MECOM: variants seen among roughly 807,000 people sequenced by gnomAD.
The protein encoded by MECOM is histone-lysine N-methyltransferase MECOM.
MECOM carries 13 observed loss-of-function variants against 116.3 expected under a neutral mutation model. The observed-to-expected ratio is 0.11, with a 90% confidence interval of 0.07 to 0.18. The LOEUF (loss-of-function observed/expected upper bound fraction) is 0.18, where lower values mean the gene tolerates loss of function less well. Among genes scored for constraint, MECOM ranks in the 10% least tolerant of loss-of-function variants. The probability of loss-of-function intolerance (pLI) is 1.00; values close to 1 mark genes in which losing one functional copy is unlikely to be tolerated. For missense variants in MECOM, 1,299 were observed against 1,509.0 expected, an observed-to-expected ratio of 0.86 and a Z score of 2.31; for synonymous variants, 528 against 535.2, an observed-to-expected ratio of 0.99 and a Z score of 0.19.
At chr3:169,256,372 G>T (rs1469182948) in intron 2 of MECOM, among the ~76,000 whole-genome samples, 1 of 151,116 alleles carries the variant, frequency 6.6e-6, no homozygotes, top group Non-Finnish European at 1.5e-5. Context: ...TGCCTTAATG[G>T]CCCTGCCCTC....
At chr3:169,284,313 G>A (rs944644471) in intron 2 of MECOM, among the ~76,000 whole-genome samples, 3 of 152,150 alleles carry the variant, frequency 2.0e-5, no homozygotes, top group Admixed American at 2.0e-4. Flanking sequence ...AGCCTCCTTC[G>A]TGGTCTTGGG....
At chr3:169,297,161 AC>A (rs756331456) in intron 2 of MECOM, among the ~76,000 whole-genome samples, 4 of 152,232 alleles carry the variant, frequency 2.6e-5, no homozygotes, top group Admixed American at 2.0e-4. Context: ...AAGGATCCAA[AC>A]AAACCAAAAA....
chr3:169,500,582 C>CA (rs199525523), intron 1 of MECOM, among the ~76,000 whole-genome samples: 1,800 of 151,632 alleles, frequency 0.012, 16 homozygotes, highest in Middle Eastern at 0.032. Context: ...ATAGTTTATA[C>CA]AAAAAAACAC....
intron 2 of MECOM, among the ~76,000 whole-genome samples, chr3:169,357,301 C>T: frequency 6.6e-6 from 1 of 151,794 alleles, no homozygotes; most frequent in South Asian, 2.1e-4. Context: ...GAAAACCTTA[C>T]AGCATTTTTC....
chr3:169,250,947 C>G (rs561089879), intron 2 of MECOM, among the ~76,000 whole-genome samples: 4 of 152,246 alleles, frequency 2.6e-5, no homozygotes, highest in Admixed American at 6.5e-5. Context: ...TTCATCTCTA[C>G]GATAATTTTG....
At chr3:169,428,735 C>T (rs1007808799) in intron 1 of MECOM, among the ~76,000 whole-genome samples, 4 of 152,088 alleles carry the variant, frequency 2.6e-5, no homozygotes, top group South Asian at 2.1e-4. Context: ...GTAAACAAAA[C>T]TCTTAAGGCT....
intron 15 of MECOM, 51 bp downstream of exon 15, chr3:169,089,949 C>A: frequency 1.3e-6 from 2 of 1,546,028 alleles, no homozygotes; most frequent in Non-Finnish European, 8.7e-7. Context: ...GAATTGCAAC[C>A]GTACATGGAT....
intron 2 of MECOM, among the ~76,000 whole-genome samples, chr3:169,232,670 C>G (rs784278): frequency 6.7e-4 from 102 of 151,686 alleles, no homozygotes; most frequent in African/African-American, 2.4e-3. Flanking sequence ...TATGTATACA[C>G]ATATTTTTAA....
At chr3:169,117,289 T>C (rs1380866609) in intron 7 of MECOM, among the ~76,000 whole-genome samples, 2 of 152,208 alleles carry the variant, frequency 1.3e-5, no homozygotes, top group African/African-American at 4.8e-5. Context: ...TATTATATCA[T>C]ATGCTCTCAT....
At position 169,404,110 on chromosome 3, in the gene MECOM, C is replaced by T. The variant is rs17550888; in HGVS notation, c.38-22586G>A. Reference sequence around the variant, plus strand: ...GCAGTCTGGCTCTGAGATCATATTGCGATAAATGCTTTTCTATAGAACTAG... The same window carrying T: ...GCAGTCTGGCTCTGAGATCATATTGTGATAAATGCTTTTCTATAGAACTAG... On this transcript the variant is annotated intron_variant, in intron 1 of 16. Transcript: ENST00000651503. Among the ~76,000 whole-genome samples the T allele has an allele frequency of 4.1e-3, 617 of 152,076 alleles. 1 individual carries two copies. Among genetic ancestry groups the T allele is most frequent in the Non-Finnish European group, 7.7e-3 (522 of 68,000 alleles).
At chr3:169,433,488 G>C (rs1246161800) in intron 1 of MECOM, among the ~76,000 whole-genome samples, 1 of 147,778 alleles carries the variant, frequency 6.8e-6, no homozygotes, top group Non-Finnish European at 1.5e-5. Flanking sequence ...AAGAAAGACA[G>C]ACAGACAGAA....
chr3:169,407,542 G>A (rs970244985), intron 1 of MECOM, among the ~76,000 whole-genome samples: 3 of 152,198 alleles, frequency 2.0e-5, no homozygotes, highest in East Asian at 1.9e-4. Context: ...AGTAAAAATC[G>A]AAATAAAACT....
At chr3:169,234,587 G>A (rs911640566) in intron 2 of MECOM, among the ~76,000 whole-genome samples, 4 of 152,154 alleles carry the variant, frequency 2.6e-5, no homozygotes, top group African/African-American at 9.7e-5. Context: ...ACTTACTAAA[G>A]AGCCTTCAAT....
In MECOM at chr3:169,115,467, C is replaced by T. The variant is rs139044661; in HGVS notation, c.2405G>A (p.Gly802Glu). 1 of 1,614,160 alleles carries T rather than the reference C, an allele frequency of 6.2e-7. No individual in the cohort carries two copies. The highest frequency in any genetic ancestry group is 8.5e-7 in the Non-Finnish European group (1 of 1,180,036). ...RKNHVFGGKK[G>E]SNVESRPASD... ...AGCAGGTCTTGATTCGACGTTGCTT[C>T]CTTTTTTTCCCCCAAACACGTGGTT... The change falls in exon 8 of 17, where the codon GGA (glycine) becomes GAA (glutamate). Residue 802 changes from glycine to glutamate, a missense_variant. Gly to Glu is a moderately conservative substitution (Grantham distance 98). Coordinates refer to ENST00000651503, the MANE Select transcript of MECOM (RefSeq NM_004991.4).
At chr3:169,129,846 C>T (rs1030322098) in intron 4 of MECOM, among the ~76,000 whole-genome samples, 3 of 152,034 alleles carry the variant, frequency 2.0e-5, no homozygotes, top group African/African-American at 7.2e-5. Context: ...TTCAGTTTCC[C>T]TATATGTAAA....
chr3:169,226,617 A>C (rs890197233), intron 2 of MECOM, among the ~76,000 whole-genome samples: 16 of 152,188 alleles, frequency 1.1e-4, no homozygotes, highest in Non-Finnish European at 7.3e-5. Flanking sequence ...CAACACCATA[A>C]CACGGAATTA....
At chr3:169,600,296 A>C (rs2109734702) in intron 1 of MECOM, among the ~76,000 whole-genome samples, 1 of 152,280 alleles carries the variant, frequency 6.6e-6, no homozygotes, top group East Asian at 1.9e-4. Context: ...TTTTAAACTG[A>C]GATTAACATA....
chr3:169,630,546 G>A lies in MECOM; in HGVS notation c.37+32790C>T, dbSNP rs186197018. Among the ~76,000 whole-genome samples, 371 of 151,610 alleles carry A rather than the reference G, an allele frequency of 2.4e-3. 1 individual carries two copies. The highest frequency in any genetic ancestry group is 3.9e-3 in the Admixed American group (60 of 15,232). ...CAGCTCACTACAGCCTCAAATTTCT[G>A]GGCTCAAGCAATCCTCTCACCTCAA... On this transcript the variant is annotated intron_variant, in intron 1 of 16. Transcript: ENST00000651503.
intron 1 of MECOM, among the ~76,000 whole-genome samples, chr3:169,469,962 CA>C (rs1748929540): frequency 6.6e-6 from 1 of 152,196 alleles, no homozygotes; most frequent in Admixed American, 6.5e-5. Context: ...AACTTTCCAG[CA>C]GCTAGCCTTC....
Sources: allele counts gnomAD v4.1 joint callset (sites outside exome capture counted in the v4.1 genomes callset), GRCh38; gene constraint gnomAD v4.1.1; transcripts MANE v1.5; gene names NCBI Gene and HGNC (gene_info 2026-07-23, HGNC 2026-07-21).